The following HOOK2 variants were observed in gnomAD, a reference collection of about 807,000 sequenced individuals.
The protein encoded by HOOK2 is hook microtubule tethering protein 2, also known as protein Hook homolog 2.
A neutral mutation model predicts 111.9 loss-of-function variants in HOOK2; 108 were observed. The ratio of observed to expected loss-of-function variants is 0.96; its 90% CI spans 0.83 to 1.13. The LOEUF is 1.13. Among genes scored for constraint, HOOK2 ranks in the 50% most tolerant of loss-of-function variants. The probability of loss-of-function intolerance (pLI) is 0.00; values close to 1 mark genes in which losing one functional copy is unlikely to be tolerated. For synonymous variants in HOOK2, 405 were observed against 394.3 expected (o/e 1.03, Z -0.32); for missense variants, 978 against 951.3 (o/e 1.03, Z -0.37).
At chr19:12,766,400 C>T (rs926138767) in intron 14 of HOOK2, 160 bp from the exon 15 acceptor site, 3 of 879,924 alleles carry the variant, frequency 3.4e-6, no homozygotes, top group Non-Finnish European at 5.0e-6. Context: ...GTTCAGGTTC[C>T]CGGCCCAGGG....
rs574031981 is a variant in HOOK2 at position 12,788,902 on chromosome 19, G to A, written n.42-14677C>T. On this transcript the variant is annotated intron_variant and non_coding_transcript_variant, in intron 3 of 3. Coordinates refer to the HOOK2 transcript ENST00000589765. ...TCAAGCAAGGGGAAGAAGGGAGGGG[G>A]CATTTAGGGGTCACAGGGACCCTCC... 2.4e-4 allele frequency among the ~76,000 whole-genome samples: 36 copies of A among 152,228 alleles called. 1 individual carries two copies. Among genetic ancestry groups the A allele is most frequent in the African/African-American group, 8.7e-4 (36 of 41,540 alleles).
intron 18 of HOOK2, 163 bp from the exon 19 acceptor site, chr19:12,765,244 C>G: frequency 4.4e-6 from 3 of 680,212 alleles, no homozygotes; most frequent in Non-Finnish European, 7.6e-6. Flanking sequence ...CTGGTCCCAC[C>G]GGCTCCACAG....
rs1323446796 is a variant in HOOK2 at position 12,763,608 on chromosome 19, G to A, written c.1939-9C>T. 1.2e-6 allele frequency: 2 copies of A among 1,614,144 alleles called. No individual in the cohort carries two copies. The highest frequency in any genetic ancestry group is 1.3e-5 in the African/African-American group (1 of 74,938). On this transcript the variant is annotated splice_polypyrimidine_tract_variant and intron_variant, in intron 21 of 22. Transcript: ENST00000397668. ...CTTTTCTCAAAGTCCATCTGTCAAG[G>A]AGGCAAGTGTCAGGGGCCTAGATAC...
chr19:12,775,241 C>T, intron 1 of HOOK2, 164 bp downstream of exon 1: 3 of 985,322 alleles, frequency 3.0e-6, no homozygotes, highest in Non-Finnish European at 3.6e-6. Context: ...CGCAGACTTG[C>T]CACGTGACGG....
At position 12,775,347 on chromosome 19, in the gene HOOK2, G is replaced by C. The variant is rs969799434; in HGVS notation, c.45+58C>G. ...AAGAGACTGACCGAACCAGGGCCAG[G>C]GATCCCGGGCAAGAGGAGCGGGCGC... On this transcript the variant is annotated intron_variant, in intron 1 of 22. Transcript: ENST00000397668. The C allele has an allele frequency of 4.4e-6, 7 of 1,588,756 alleles. No homozygotes were observed. The African/African-American group carries it at 9.4e-5, about 21-fold the overall frequency.
intron 7 of HOOK2, 33 bp downstream of exon 7, chr19:12,772,157 G>A (rs774875368): frequency 6.6e-7 from 1 of 1,507,012 alleles, no homozygotes; most frequent in East Asian, 2.3e-5. Context: ...GCTGATCCCT[G>A]TGCCTGGAAC....
Position 12,763,122 on chromosome 19 carries a change from C to G in HOOK2, c.*160G>C, listed in dbSNP as rs982483674. ...ATTGCTAAAAAGAACAGGCCTATAT[C>G]TACCTCCCGCCCTCCCTCCCCACCA... On this transcript the variant is annotated 3_prime_UTR_variant, in exon 23 of 23. Coordinates refer to ENST00000397668, the MANE Select transcript of HOOK2 (RefSeq NM_013312.3). 8 of 661,302 alleles carry G rather than the reference C, an allele frequency of 1.2e-5. No individual in the cohort carries two copies. The African/African-American group carries it at 1.3e-4, about 11-fold the overall frequency. 41.0% of individuals were successfully genotyped at this position (661,302 alleles called of 1,614,324 possible). A position where few individuals can be genotyped will look rare whatever the true frequency, so the allele number is the denominator to read the frequency against.
At chr19:12,774,047 T>C (rs923011980) in intron 3 of HOOK2, 1 of 155,198 alleles carries the variant, frequency 6.4e-6, no homozygotes, top group Non-Finnish European at 1.4e-5. Flanking sequence ...AGCCCTGCTT[T>C]TTTGTTGTCT....
intron 3 of HOOK2, among the ~76,000 whole-genome samples, chr19:12,785,894 A>G (rs1968650897): frequency 6.6e-6 from 1 of 152,082 alleles, no homozygotes; most frequent in Non-Finnish European, 1.5e-5. Flanking sequence ...TAGGAGGCCT[A>G]GCTCAGCAGC....
At chr19:12,771,926 C>CTGGGGT in intron 7 of HOOK2, 1 of 461,906 alleles carries the variant, frequency 2.2e-6, no homozygotes, top group Non-Finnish European at 3.8e-6. Context: ...GAAAACAGGG[C>CTGGGGT]TGGGGTTGGA....
At position 12,769,913 on chromosome 19, in the gene HOOK2, G is replaced by C; in HGVS notation, c.1072C>G (p.Leu358Val). ...CGCTGCGCCTCCAGCTGGGCGCGCA[G>C]GGAGCCCGCTCGGCGTAGCTCATCC... ...LEDELRRAGSLRAQLEAQRRQ... is the reference protein window; with the variant it reads ...LEDELRRAGSVRAQLEAQRRQ... Residue 358 changes from leucine to valine, a missense_variant, in exon 11 of 23, where the codon CTG (leucine) becomes GTG (valine). Leu to Val is a conservative substitution (Grantham distance 32, BLOSUM62 1). Transcript: ENST00000397668. 1 of 1,524,048 alleles carries C rather than the reference G, an allele frequency of 6.6e-7. No individual in the cohort carries two copies. The highest frequency in any genetic ancestry group is 8.7e-7 in the Non-Finnish European group (1 of 1,144,762). The allele number at this position is 1,524,048 out of a possible 1,614,324, so 94.4% of individuals were successfully genotyped here.
At chr19:12,776,378 T>G (rs1377288847), upstream of HOOK2, among the ~76,000 whole-genome samples, 2 of 150,290 alleles carry the variant, frequency 1.3e-5, no homozygotes, top group Admixed American at 6.7e-5. Context: ...GACCAGCCTC[T>G]CTTCAAAAAA....
chr19:12,776,448 G>A (rs1297625545), upstream of HOOK2, among the ~76,000 whole-genome samples: 1 of 150,606 alleles, frequency 6.6e-6, no homozygotes, highest in African/African-American at 2.4e-5. Flanking sequence ...TTGGGAGGCC[G>A]AGGCGGGCGG....
intron 11 of HOOK2, 56 bp downstream of exon 11, chr19:12,769,825 G>T: frequency 7.5e-7 from 1 of 1,339,652 alleles, no homozygotes; most frequent in African/African-American, 1.6e-5. Context: ...CTGGCCAACG[G>T]TGAGAGACTT....
chr19:12,771,548 T>C, intron 7 of HOOK2, 71 bp from the exon 8 acceptor site: 3 of 1,329,230 alleles, frequency 2.3e-6, no homozygotes, highest in Non-Finnish European at 3.2e-6. Flanking sequence ...CTGAGATCTC[T>C]AGAGGCCAAA....
chr19:12,773,003 G>T lies in HOOK2; in HGVS notation c.246C>A (p.Tyr82Ter). ...CTTTACAGTTACTCACATCCTGGGA[G>T]TACTCTACTAGGCTCCGTAAGACCA... ...LKMVLRSLVE[Y>*]SQDVLAHPVS... The change falls in exon 4 of 23, where the codon TAC becomes TAA. Residue 82 changes from tyrosine (Y) to a stop codon, truncating the protein, a stop_gained. Coordinates refer to ENST00000397668, the MANE Select transcript of HOOK2 (RefSeq NM_013312.3). LOFTEE classifies it high-confidence loss of function. The T allele has an allele frequency of 6.2e-7, 1 of 1,614,128 alleles. No homozygotes were observed. The highest frequency in any genetic ancestry group is 8.5e-7 in the Non-Finnish European group (1 of 1,180,028).
chr19:12,774,943 C>G (rs946400542), intron 1 of HOOK2, 46 bp from the exon 2 acceptor site: 2 of 1,544,676 alleles, frequency 1.3e-6, no homozygotes, highest in Non-Finnish European at 1.8e-6. Context: ...GGCCTGGGAG[C>G]GCCGAACCGC....
rs1243449606 is a variant in HOOK2 at position 12,785,317 on chromosome 19, A to C, written n.42-11092T>G. 9.9e-5 allele frequency among the ~76,000 whole-genome samples: 15 copies of C among 151,084 alleles called. 1 individual carries two copies. Among genetic ancestry groups the C allele is most frequent in the Admixed American group, 9.2e-4 (14 of 15,136 alleles). ...TTTTTCACACACACACACACACACC[A>C]GATCGTATACACACATACATACAGA... On this transcript the variant is annotated intron_variant and non_coding_transcript_variant, in intron 3 of 3. Coordinates refer to the HOOK2 transcript ENST00000589765.
chr19:12,769,842 A>C, intron 11 of HOOK2, 39 bp downstream of exon 11: 3 of 1,369,210 alleles, frequency 2.2e-6, no homozygotes, highest in Non-Finnish European at 2.8e-6. Context: ...ACTTGCTGCC[A>C]GGGGCGGGGC....
Sources: allele counts gnomAD v4.1 joint callset (sites outside exome capture counted in the v4.1 genomes callset), GRCh38; gene constraint gnomAD v4.1.1; transcripts MANE v1.5; gene names NCBI Gene and HGNC (gene_info 2026-07-23, HGNC 2026-07-21).